ICE1: variants seen among roughly 807,000 people sequenced by gnomAD.
The protein encoded by ICE1 is interactor of little elongation complex ELL subunit 1.
In ICE1, 64 loss-of-function variants were observed where a neutral mutation model predicts 192.7. The ratio of observed to expected loss-of-function variants is 0.33; its 90% CI spans 0.27 to 0.41. The LOEUF (loss-of-function observed/expected upper bound fraction) is 0.41. Ranked by LOEUF, ICE1 falls within the 10% of genes least tolerant of loss-of-function variation. The pLI, the probability that ICE1 is intolerant of heterozygous loss-of-function variation, is 1.00. For missense variants in ICE1, 2,708 were observed against 2,696.0 expected, an observed-to-expected ratio of 1.00 and a Z score of -0.10; for synonymous variants, 1,010 against 984.5, an observed-to-expected ratio of 1.03 and a Z score of -0.49.
rs762340297 is a variant in ICE1, at chr5:5,463,174, A to G, written c.3840A>G (p.Lys1280=). 6.2e-7 allele frequency: 1 copy of G among 1,611,876 alleles called. No homozygotes were observed. The highest frequency in any genetic ancestry group is 1.3e-5 in the African/African-American group (1 of 74,866). The part of the protein sequence containing the change: ...LQTNSEDCNG[K]DTGSLLLLNV... ...CAAATTCTGAAGATTGCAATGGTAA[A>G]GATACTGGCAGTTTATTGCTCTTAA... Residue 1280 remains lysine, a synonymous_variant, in exon 13 of 19, where the codon AAA becomes AAG. Coordinates refer to ENST00000296564, the MANE Select transcript of ICE1 (RefSeq NM_015325.3).
chr5:5,468,649 G>A (rs1739063701), intron 14 of ICE1, among the ~76,000 whole-genome samples, 179 bp from the exon 15 acceptor site: 1 of 152,256 alleles, frequency 6.6e-6, no homozygotes, highest in Admixed American at 6.5e-5. Context: ...TGAGGAAGTT[G>A]GAGAACGGAT....
At position 5,454,566 on chromosome 5, in the gene ICE1, C is replaced by A; in HGVS notation, c.619C>A (p.Leu207Ile). 6.2e-7 allele frequency: 1 copy of A among 1,613,232 alleles called. No individual in the cohort carries two copies. Among genetic ancestry groups the A allele is most frequent in the Non-Finnish European group, 8.5e-7 (1 of 1,179,464 alleles). Residue 207 changes from leucine to isoleucine, a missense_variant, in exon 11 of 19, where the codon CTT becomes ATT. Leu to Ile is a conservative substitution (Grantham distance 5, BLOSUM62 2). Coordinates refer to ENST00000296564, the MANE Select transcript of ICE1 (RefSeq NM_015325.3). Reference sequence around the variant, plus strand: ...CTGTTTCACAGGAAAAGTGAAACTGCTTCTGAAGGAACTCTGGCTCTGTGT... The same window carrying A: ...CTGTTTCACAGGAAAAGTGAAACTGATTCTGAAGGAACTCTGGCTCTGTGT... The part of the protein sequence containing the change: ...GSIDKRKVKL[L>I]LKELWLCVNT...
intron 3 of ICE1, chr5:5,437,346 AAC>A (rs1737898436): frequency 2.4e-6 from 1 of 419,796 alleles, no homozygotes; most frequent in Admixed American, 4.1e-5. Context: ...TGATTTTCTT[AAC>A]GTCTCATAAG....
chr5:5,469,046 ATTAT>A, intron 15 of ICE1, 58 bp downstream of exon 15: 1 of 1,192,244 alleles, frequency 8.4e-7, no homozygotes, highest in Non-Finnish European at 1.1e-6. Context: ...ATAAATGTTA[ATTAT>A]TTTGTTGTGT....
At chr5:5,446,579 A>G (rs1738230040) in intron 7 of ICE1, among the ~76,000 whole-genome samples, 2 of 152,184 alleles carry the variant, frequency 1.3e-5, no homozygotes, top group South Asian at 4.1e-4. Context: ...AGCCACTGCA[A>G]GGAAACATCT....
chr5:5,478,808 C>T (rs1739414914), intron 17 of ICE1, among the ~76,000 whole-genome samples: 1 of 152,074 alleles, frequency 6.6e-6, no homozygotes, highest in Admixed American at 6.6e-5. Context: ...CAGCCATCAT[C>T]ATGATCTTTG....
intron 3 of ICE1, among the ~76,000 whole-genome samples, chr5:5,439,335 T>A (rs913305531): frequency 6.6e-6 from 1 of 152,122 alleles, no homozygotes; most frequent in African/African-American, 2.4e-5. Flanking sequence ...TCCTAGGAGA[T>A]GAAACATAAA....
intron 10 of ICE1, among the ~76,000 whole-genome samples, chr5:5,451,941 A>C (rs1738430922): frequency 6.6e-6 from 1 of 152,100 alleles, no homozygotes. Context: ...TAAGAAATTA[A>C]ATCCACAAAT....
chr5:5,457,810 T>C (rs1205691934), intron 12 of ICE1, 69 bp downstream of exon 12: 3 of 1,372,152 alleles, frequency 2.2e-6, no homozygotes, highest in Non-Finnish European at 3.0e-6. Flanking sequence ...TCCTTGATGC[T>C]CAAAGGATAT....
In ICE1 at chr5:5,462,247, T is replaced by A. The variant is rs746788500; in HGVS notation, c.2913T>A (p.Ile971=). 42 of 1,611,964 alleles carry A rather than the reference T, an allele frequency of 2.6e-5. No individual in the cohort carries two copies. The highest frequency in any genetic ancestry group is 3.5e-5 in the Non-Finnish European group (41 of 1,178,702). Residue 971 remains isoleucine (I), a synonymous_variant, in exon 13 of 19, where the codon ATT becomes ATA. Coordinates refer to ENST00000296564, the MANE Select transcript of ICE1 (RefSeq NM_015325.3). ...PENILIQNQD[I]VREAAVQGDG... ...ATATCCTCATCCAAAACCAAGACAT[T>A]GTGAGAGAAGCTGCAGTGCAGGGAG...
intron 11 of ICE1, among the ~76,000 whole-genome samples, chr5:5,455,784 A>G (rs1295646347): frequency 6.6e-6 from 1 of 152,166 alleles, no homozygotes; most frequent in African/African-American, 2.4e-5. Flanking sequence ...AGGATTTTTA[A>G]CATTTTCAGT....
At position 5,463,210 on chromosome 5, in the gene ICE1, C is replaced by G. The variant is rs1413650087; in HGVS notation, c.3876C>G (p.Asn1292Lys). Residue 1292 changes from asparagine to lysine, a missense_variant, in exon 13 of 19, where the codon AAC becomes AAG. By Grantham distance (94) the Asn-to-Lys change is moderately conservative (BLOSUM62 0). Coordinates refer to ENST00000296564, the MANE Select transcript of ICE1 (RefSeq NM_015325.3). ...TGSLLLLNVNNNMTTENLKEK... is the reference protein window; with the variant it reads ...TGSLLLLNVNKNMTTENLKEK... ...GTTTATTGCTCTTAAATGTAAATAA[C>G]AACATGACCACTGAGAATTTAAAAG... 6.2e-7 allele frequency: 1 copy of G among 1,611,036 alleles called. No individual in the cohort carries two copies. The highest frequency in any genetic ancestry group is 2.2e-5 in the East Asian group (1 of 44,786).
intron 3 of ICE1, among the ~76,000 whole-genome samples, chr5:5,438,718 C>CG (rs1737951874): frequency 6.6e-6 from 1 of 152,152 alleles, no homozygotes; most frequent in Admixed American, 6.5e-5. Flanking sequence ...AATTGTTTTA[C>CG]TTTTCTAAAG....
Position 5,460,618 on chromosome 5 carries a change from T to G in ICE1, c.1284T>G (p.Ala428=). 1 of 1,613,740 alleles carries G rather than the reference T, an allele frequency of 6.2e-7. No individual in the cohort carries two copies. The highest frequency in any genetic ancestry group is 8.5e-7 in the Non-Finnish European group (1 of 1,179,804). The change falls in exon 13 of 19, where the codon GCT becomes GCG. Residue 428 remains alanine, a synonymous_variant. Transcript: ENST00000296564. Reference sequence around the variant, plus strand: ...CCAAATCACATGAAGCTATCCAAGCTCTGAATACATGGGAAGTAAATAAAG... The same window carrying G: ...CCAAATCACATGAAGCTATCCAAGCGCTGAATACATGGGAAGTAAATAAAG... ...EKPKSHEAIQ[A]LNTWEVNKVT...
At chr5:5,480,288 T>C (rs1266978546) in intron 17 of ICE1, among the ~76,000 whole-genome samples, 4 of 133,704 alleles carry the variant, frequency 3.0e-5, no homozygotes, top group African/African-American at 1.6e-4. Context: ...CTGGCTCTGT[T>C]GCCCAGGCTG....
At chr5:5,486,634 C>G in intron 17 of ICE1, 87 bp from the exon 18 acceptor site, 1 of 870,906 alleles carries the variant, frequency 1.1e-6, no homozygotes, top group South Asian at 1.5e-5. Context: ...TTGATCACCT[C>G]TTGTAAGAGA....
At chr5:5,447,923 A>G in intron 10 of ICE1, 26 bp downstream of exon 10, 1 of 1,524,254 alleles carries the variant, frequency 6.6e-7, no homozygotes, top group Non-Finnish European at 8.9e-7. Context: ...CTTTTGTTTT[A>G]ATGTTGTGTA....
At chr5:5,469,466 G>A (rs1017150027) in intron 15 of ICE1, among the ~76,000 whole-genome samples, 4 of 152,048 alleles carry the variant, frequency 2.6e-5, no homozygotes, top group African/African-American at 9.7e-5. Context: ...TTATTGATAT[G>A]TTAAAGTAAG....
chr5:5,447,656 C>T (rs1348819629), intron 8 of ICE1, 65 bp from the exon 9 acceptor site: 6 of 1,465,150 alleles, frequency 4.1e-6, no homozygotes, highest in Non-Finnish European at 5.6e-6. Flanking sequence ...ACCTGTTTTA[C>T]ATTTGGTCTA....
Sources: allele counts gnomAD v4.1 joint callset (sites outside exome capture counted in the v4.1 genomes callset), GRCh38; gene constraint gnomAD v4.1.1; transcripts MANE v1.5; gene names NCBI Gene and HGNC (gene_info 2026-07-23, HGNC 2026-07-21).